Variants in KDM4C observed in about 807,000 individuals in gnomAD.
The protein encoded by KDM4C is lysine-specific demethylase 4C.
KDM4C carries 81 observed loss-of-function variants against 129.3 expected under a neutral mutation model. The observed-to-expected ratio is 0.63, with a 90% CI of 0.52 to 0.75. The LOEUF is 0.75. Ranked by LOEUF, KDM4C falls within the 30% of genes least tolerant of loss-of-function variation. The pLI is 0.00. For missense variants in KDM4C, 1,457 were observed against 1,304.0 expected (o/e 1.12, Z -1.81); for synonymous variants, 573 against 456.1 (o/e 1.26, Z -3.26).
intron 15 of KDM4C, 111 bp downstream of exon 15, chr9:7,016,040 C>G: frequency 3.2e-6 from 2 of 622,082 alleles, no homozygotes; most frequent in South Asian, 5.0e-5. Flanking sequence ...ATGTGCAGTT[C>G]TGCACTTCCT....
intron 1 of KDM4C, among the ~76,000 whole-genome samples, chr9:6,776,224 A>G (rs1486433566): frequency 2.0e-5 from 3 of 152,152 alleles, no homozygotes; most frequent in Non-Finnish European, 4.4e-5. Context: ...AGCTGGAACT[A>G]CAGGCTTTAC....
At chr9:7,057,692 A>G (rs1831053058) in intron 17 of KDM4C, among the ~76,000 whole-genome samples, 2 of 152,212 alleles carry the variant, frequency 1.3e-5, no homozygotes, top group Admixed American at 6.5e-5. Flanking sequence ...GCCTCTGGGC[A>G]ATTTGTAAGC....
chr9:7,007,426 C>A (rs1185671414), intron 12 of KDM4C, among the ~76,000 whole-genome samples: 2 of 152,176 alleles, frequency 1.3e-5, no homozygotes, highest in African/African-American at 4.8e-5. Flanking sequence ...TTCTGGCAAA[C>A]CTTGCAGACA....
intron 5 of KDM4C, among the ~76,000 whole-genome samples, chr9:6,864,506 T>A (rs1226655420): frequency 1.3e-5 from 2 of 152,202 alleles, no homozygotes; most frequent in African/African-American, 4.8e-5. Context: ...ATCTGTTTGG[T>A]GATCTCTAAC....
intron 4 of KDM4C, among the ~76,000 whole-genome samples, chr9:6,825,402 G>T (rs898904750): frequency 6.6e-6 from 1 of 152,194 alleles, no homozygotes; most frequent in Non-Finnish European, 1.5e-5. Flanking sequence ...CATAGCAAAA[G>T]ATGACTTATC....
chr9:6,755,057 G>T (rs1818195875), upstream of KDM4C, among the ~76,000 whole-genome samples: 2 of 151,790 alleles, frequency 1.3e-5, no homozygotes, highest in Non-Finnish European at 2.9e-5. Flanking sequence ...GGCCAATGTG[G>T]CGAAACCCTG....
chr9:6,969,461 T>G (rs1831565677), intron 8 of KDM4C, among the ~76,000 whole-genome samples: 1 of 152,216 alleles, frequency 6.6e-6, no homozygotes, highest in Admixed American at 6.5e-5. Flanking sequence ...ATTAACTGAC[T>G]TGAATTGTTT....
chr9:6,750,355 C>T (rs752597793), intron 1 of KDM4C, among the ~76,000 whole-genome samples: 4 of 151,432 alleles, frequency 2.6e-5, no homozygotes, highest in Non-Finnish European at 5.9e-5. Flanking sequence ...AGGAGAATCG[C>T]TTGAACCTGG....
intron 12 of KDM4C, among the ~76,000 whole-genome samples, 181 bp downstream of exon 12, chr9:6,990,705 T>G (rs1472580581): frequency 2.0e-5 from 3 of 152,194 alleles, no homozygotes; most frequent in Non-Finnish European, 4.4e-5. Flanking sequence ...GGTAAAGACG[T>G]ACTTCATATA....
intron 1 of KDM4C, among the ~76,000 whole-genome samples, chr9:6,741,313 T>C (rs1817685024): frequency 6.6e-6 from 1 of 151,918 alleles, no homozygotes. Context: ...CAGAATCGCT[T>C]GAACTAGGGA....
chr9:6,853,471 C>T (rs1470382785), intron 5 of KDM4C, among the ~76,000 whole-genome samples: 2 of 152,096 alleles, frequency 1.3e-5, no homozygotes, highest in Non-Finnish European at 2.9e-5. Context: ...CCAGCCTGGA[C>T]AACGGAGGGA....
intron 19 of KDM4C, among the ~76,000 whole-genome samples, chr9:7,141,889 T>C (rs544056694): frequency 2.6e-5 from 4 of 152,308 alleles, no homozygotes; most frequent in Admixed American, 2.0e-4. Flanking sequence ...TCTCATGTTT[T>C]AGAAGTGACG....
At chr9:6,807,342 C>CCT (rs1830192138) in intron 3 of KDM4C, among the ~76,000 whole-genome samples, 1 of 148,742 alleles carries the variant, frequency 6.7e-6, no homozygotes, top group African/African-American at 2.5e-5. Context: ...CCTGGCCGCC[C>CCT]ATCGTCTGGG....
chr9:6,827,076 G>T (rs1706531570), intron 4 of KDM4C, among the ~76,000 whole-genome samples: 1 of 152,110 alleles, frequency 6.6e-6, no homozygotes, highest in South Asian at 2.1e-4. Flanking sequence ...TGAGAGAGTG[G>T]CACCTTGCAC....
At chr9:7,151,036 C>G (rs1195352842) in intron 19 of KDM4C, among the ~76,000 whole-genome samples, 1 of 152,164 alleles carries the variant, frequency 6.6e-6, no homozygotes, top group Non-Finnish European at 1.5e-5. Flanking sequence ...GCGGACCAGG[C>G]ACTGTGGCTC....
At chr9:7,047,299 A>C (rs1294800984) in intron 16 of KDM4C, among the ~76,000 whole-genome samples, 4 of 152,068 alleles carry the variant, frequency 2.6e-5, no homozygotes, top group Non-Finnish European at 5.9e-5. Context: ...ATCTTCAGAT[A>C]AATCAGTCAT....
intron 5 of KDM4C, among the ~76,000 whole-genome samples, chr9:6,860,543 C>T (rs777646458): frequency 6.6e-6 from 1 of 152,014 alleles, no homozygotes; most frequent in Non-Finnish European, 1.5e-5. Flanking sequence ...TGAAATTATC[C>T]CTACAACCAA....
chr9:7,159,281 A>T (rs1370149834), intron 19 of KDM4C, among the ~76,000 whole-genome samples: 4 of 152,044 alleles, frequency 2.6e-5, no homozygotes, highest in Non-Finnish European at 5.9e-5. Context: ...TTGATTCTTT[A>T]TCCAGTTTGC....
At chr9:7,077,576 C>T (rs1321062718) in intron 17 of KDM4C, among the ~76,000 whole-genome samples, 1 of 152,146 alleles carries the variant, frequency 6.6e-6, no homozygotes, top group African/African-American at 2.4e-5. Flanking sequence ...TGAGCTCATA[C>T]AGCCACTAAG....
Sources: allele counts gnomAD v4.1 joint callset (sites outside exome capture counted in the v4.1 genomes callset), GRCh38; gene constraint gnomAD v4.1.1; transcripts MANE v1.5; gene names NCBI Gene and HGNC (gene_info 2026-07-23, HGNC 2026-07-21).